Variants in BMPR2 observed in about 807,000 individuals in gnomAD.
BMPR2 encodes bone morphogenetic protein receptor type 2, also known as bone morphogenetic protein receptor type-2.
In BMPR2, 29 loss-of-function variants were observed where a neutral mutation model predicts 100.8. That is an observed-to-expected ratio of 0.29 (90% CI 0.21 to 0.39). BMPR2 has a LOEUF of 0.39. BMPR2 is among the 10% of genes least tolerant of loss of function. The pLI, the probability that BMPR2 is intolerant of heterozygous loss-of-function variation, is 1.00. For missense variants in BMPR2, 1,011 were observed against 1,274.5 expected (o/e 0.79, Z 3.15); for synonymous variants, 382 against 442.3 (o/e 0.86, Z 1.71).
intron 9 of BMPR2, among the ~76,000 whole-genome samples, chr2:202,535,387 C>T (rs1185020428): frequency 1.2e-4 from 18 of 147,240 alleles, no homozygotes; most frequent in Non-Finnish European, 2.0e-4. Context: ...CGGGCAGAGA[C>T]GCTCCTCACC....
At chr2:202,455,515 A>T (rs934441439) in intron 1 of BMPR2, among the ~76,000 whole-genome samples, 3 of 152,246 alleles carry the variant, frequency 2.0e-5, no homozygotes, top group Non-Finnish European at 4.4e-5. Context: ...GTCTGTCATG[A>T]TAGCTATTGA....
At chr2:202,456,512 TC>T (rs1692110762) in intron 1 of BMPR2, among the ~76,000 whole-genome samples, 7 of 149,542 alleles carry the variant, frequency 4.7e-5, no homozygotes, top group Admixed American at 1.3e-4. Flanking sequence ...TTTCTTTCTT[TC>T]TTTCTTTTTT....
At chr2:202,493,611 A>G (rs1021285611) in intron 3 of BMPR2, among the ~76,000 whole-genome samples, 1 of 152,188 alleles carries the variant, frequency 6.6e-6, no homozygotes, top group Non-Finnish European at 1.5e-5. Flanking sequence ...AATAAAATAA[A>G]CAAATTGCTG....
intron 3 of BMPR2, among the ~76,000 whole-genome samples, chr2:202,476,346 A>G (rs1692552285): frequency 6.6e-6 from 1 of 152,126 alleles, no homozygotes; most frequent in Non-Finnish European, 1.5e-5. Context: ...GTATTTTCAT[A>G]TGCAAAAACT....
chr2:202,384,405 A>G (rs1018288422), intron 1 of BMPR2, among the ~76,000 whole-genome samples: 2 of 152,162 alleles, frequency 1.3e-5, no homozygotes, highest in South Asian at 2.1e-4. Flanking sequence ...TGCCAGAGGC[A>G]TTGGCCTAAG....
chr2:202,390,789 G>GAATT (rs1406187372), intron 1 of BMPR2, among the ~76,000 whole-genome samples: 1 of 151,876 alleles, frequency 6.6e-6, no homozygotes, highest in Non-Finnish European at 1.5e-5. Flanking sequence ...GTATTTCTCT[G>GAATT]AATTGCCTAT....
Position 202,534,183 on chromosome 2 carries a change from T to TAC in BMPR2, c.1276+1465_1276+1466dup, listed in dbSNP as rs200582793. Among the ~76,000 whole-genome samples the TAC allele has an allele frequency of 2.9e-3, 434 of 148,252 alleles. 2 individuals are homozygous for TAC. Among genetic ancestry groups the TAC allele is most frequent in the African/African-American group, 9.9e-3 (398 of 40,388 alleles). ...TATATCAAGTGTGTGTATATATATA[T>TAC]ACACACACACACACATATATATGTA... On this transcript the variant is annotated intron_variant, in intron 9 of 12. Transcript: ENST00000374580.
At chr2:202,554,560 T>C (rs1195485272) in intron 11 of BMPR2, among the ~76,000 whole-genome samples, 3 of 152,140 alleles carry the variant, frequency 2.0e-5, no homozygotes, top group African/African-American at 7.2e-5. Context: ...TCATCTCCCT[T>C]ATAAATAACT....
chr2:202,502,939 C>A (rs1687428915), intron 3 of BMPR2, among the ~76,000 whole-genome samples: 1 of 152,176 alleles, frequency 6.6e-6, no homozygotes, highest in African/African-American at 2.4e-5. Flanking sequence ...GTATTTTTAA[C>A]CTTGTCAAAT....
At chr2:202,462,763 A>G (rs1692248868) in intron 1 of BMPR2, among the ~76,000 whole-genome samples, 1 of 151,198 alleles carries the variant, frequency 6.6e-6, no homozygotes, top group Non-Finnish European at 1.5e-5. Flanking sequence ...CCCAAACTGG[A>G]GTGCAGTGGT....
At chr2:202,515,324 T>A (rs1318814407) in intron 5 of BMPR2, among the ~76,000 whole-genome samples, 1 of 151,128 alleles carries the variant, frequency 6.6e-6, no homozygotes, top group Non-Finnish European at 1.5e-5. Flanking sequence ...GTAATCCCAG[T>A]ACTTTGGGAG....
intron 3 of BMPR2, among the ~76,000 whole-genome samples, chr2:202,510,613 A>G (rs1016208505): frequency 2.0e-5 from 3 of 152,136 alleles, no homozygotes; most frequent in Admixed American, 6.6e-5. Flanking sequence ...ATGTGTATGT[A>G]TTGAAAATAG....
Position 202,503,979 on chromosome 2 carries a change from A to G in BMPR2, c.419-9740A>G, listed in dbSNP as rs1687462333. Among the ~76,000 whole-genome samples the G allele has an allele frequency of 1.3e-5, 2 of 152,072 alleles. No individual in the cohort carries two copies. Among genetic ancestry groups the G allele is most frequent in the African/African-American group, 2.4e-5 (1 of 41,404 alleles). ...TCAGGGTTTGTGAATGCACCAGTAG[A>G]CACTCTGTATCTAGCTACTCTGGTG... On this transcript the variant is annotated intron_variant, in intron 3 of 12. Coordinates refer to ENST00000374580, the MANE Select transcript of BMPR2 (RefSeq NM_001204.7). This position sits in a 1 kb window ranked among gnomAD's most constrained non-coding sequence, Gnocchi z 4.0.
intron 1 of BMPR2, among the ~76,000 whole-genome samples, chr2:202,417,937 C>A (rs1325341129): frequency 6.6e-6 from 1 of 151,948 alleles, no homozygotes; most frequent in Non-Finnish European, 1.5e-5. Flanking sequence ...CCAGGGTGGT[C>A]TTGATCTCAT....
At chr2:202,386,017 G>T (rs1690419949) in intron 1 of BMPR2, among the ~76,000 whole-genome samples, 1 of 151,702 alleles carries the variant, frequency 6.6e-6, no homozygotes. Context: ...TTCTTCATTT[G>T]GCTTTTAAGA....
chr2:202,514,996 A>G lies in BMPR2; in HGVS notation c.621+17A>G. On this transcript the variant is annotated intron_variant, in intron 5 of 12. Transcript: ENST00000374580. ...CTGTTGGAGGTAAGTTTGCCGTTAG[A>G]TTATGGACTGTTGTTTCTACTGTGA... 6.2e-7 allele frequency: 1 copy of G among 1,605,382 alleles called. No individual in the cohort carries two copies. The highest frequency in any genetic ancestry group is 8.5e-7 in the Non-Finnish European group (1 of 1,172,112).
chr2:202,388,850 A>G lies in BMPR2; in HGVS notation c.76+11300A>G, dbSNP rs74638038. On this transcript the variant is annotated intron_variant, in intron 1 of 12. Transcript: ENST00000374580. ...TTACTGTGTTCTACTCTAAGCATCTAATAGGCTTTATATTTCACATTACCC... is the reference window on the plus strand; with the variant it reads ...TTACTGTGTTCTACTCTAAGCATCTGATAGGCTTTATATTTCACATTACCC... Among the ~76,000 whole-genome samples the G allele has an allele frequency of 2.6e-3, 403 of 152,144 alleles. 2 individuals are homozygous for G. The highest frequency in any genetic ancestry group is 0.01 in the South Asian group (50 of 4,826).
chr2:202,461,304 A>G (rs1351692272), intron 1 of BMPR2, among the ~76,000 whole-genome samples: 1 of 152,132 alleles, frequency 6.6e-6, no homozygotes, highest in African/African-American at 2.4e-5. Flanking sequence ...CTTGGCCAAC[A>G]TGAAACCTCG....
chr2:202,413,564 TAACTATATAGAACATACAAG>T (rs1362774718), intron 1 of BMPR2, among the ~76,000 whole-genome samples: 2 of 152,206 alleles, frequency 1.3e-5, no homozygotes, highest in Non-Finnish European at 2.9e-5. Flanking sequence ...GTGTTTGCAA[TAACTATATAGAACATACAAG>T]AATCATTTGT....
Sources: gnomAD v4.1 joint callset for allele counts (sites outside exome capture counted in the v4.1 genomes callset) on GRCh38, gnomAD v4.1.1 for gene constraint, Gnocchi (gnomAD v3.1) non-coding constraint, MANE v1.5 for transcripts, NCBI Gene and HGNC (gene_info 2026-07-23, HGNC 2026-07-21) for gene names.